RPS6KA2: variants seen among roughly 807,000 people sequenced by gnomAD.
RPS6KA2 encodes ribosomal protein S6 kinase A2.
Under a neutral mutation model 91.8 loss-of-function variants are expected in RPS6KA2, and 42 were observed. The ratio of observed to expected loss-of-function variants is 0.46; its 90% confidence interval spans 0.36 to 0.59. The LOEUF (loss-of-function observed/expected upper bound fraction) is 0.59, where lower values mean the gene tolerates loss of function less well. Ranked by LOEUF, RPS6KA2 falls within the 20% of genes least tolerant of loss-of-function variation. The probability of loss-of-function intolerance (pLI) is 0.00; values close to 1 mark genes in which losing one functional copy is unlikely to be tolerated. For missense variants in RPS6KA2, 798 were observed against 978.5 expected, an observed-to-expected ratio of 0.82 and a Z score of 2.46; for synonymous variants, 414 against 393.6, an observed-to-expected ratio of 1.05 and a Z score of -0.61.
intron 2 of RPS6KA2, among the ~76,000 whole-genome samples, chr6:166,682,831 G>T (rs538185699): frequency 1.3e-5 from 2 of 152,184 alleles, no homozygotes; most frequent in Admixed American, 6.5e-5. Flanking sequence ...GACAACCCAT[G>T]CATTTGACCA....
intron 3 of RPS6KA2, among the ~76,000 whole-genome samples, chr6:166,529,568 T>TA (rs1035720387): frequency 8.1e-5 from 12 of 148,840 alleles, no homozygotes; most frequent in South Asian, 2.2e-4. Context: ...CTTAAAGCAT[T>TA]AAAAAAAAAA....
At chr6:166,765,909 C>T (rs1358428368) in intron 2 of RPS6KA2, among the ~76,000 whole-genome samples, 1 of 152,206 alleles carries the variant, frequency 6.6e-6, no homozygotes, top group Non-Finnish European at 1.5e-5. Context: ...GTTGAGTATA[C>T]ACTCCCTTCA....
At chr6:166,832,036 T>TA (rs1780198759) in intron 2 of RPS6KA2, among the ~76,000 whole-genome samples, 1 of 147,938 alleles carries the variant, frequency 6.8e-6, no homozygotes, top group African/African-American at 2.5e-5. Context: ...AGATGATACA[T>TA]GATAGATAGA....
chr6:166,847,169 GA>G (rs201413326), intron 2 of RPS6KA2, among the ~76,000 whole-genome samples: 2,551 of 146,176 alleles, frequency 0.017, 79 homozygotes, highest in African/African-American at 0.06. Flanking sequence ...TACAAGAGCT[GA>G]AAAAAAAAAC....
At position 166,445,453 on chromosome 6, in the gene RPS6KA2, G is replaced by T. The variant is rs1438647658; in HGVS notation, c.1332+3271C>A. On this transcript the variant is annotated intron_variant, in intron 14 of 20. Coordinates refer to ENST00000265678, the MANE Select transcript of RPS6KA2 (RefSeq NM_021135.6). This position sits in a 1 kb window ranked among gnomAD's most constrained non-coding sequence, Gnocchi z 4.5. ...TTTCGTTGGGGCAGCAGGTTGTGGG[G>T]GCTGTCCTGTGCACACAGGATGCTA... Among the ~76,000 whole-genome samples the T allele has an allele frequency of 1.3e-5, 2 of 152,180 alleles. No homozygotes were observed. Among genetic ancestry groups the T allele is most frequent in the Non-Finnish European group, 2.9e-5 (2 of 68,026 alleles).
intron 3 of RPS6KA2, among the ~76,000 whole-genome samples, chr6:166,515,562 G>A (rs1782618171): frequency 6.6e-6 from 1 of 152,220 alleles, no homozygotes; most frequent in South Asian, 2.1e-4. Context: ...TCTCATATCA[G>A]CATCGGCGTG....
At chr6:166,763,116 A>T (rs1486044774) in intron 2 of RPS6KA2, among the ~76,000 whole-genome samples, 1 of 152,254 alleles carries the variant, frequency 6.6e-6, no homozygotes. Flanking sequence ...TAGCAGTAGT[A>T]TCAGGATCAC....
intron 2 of RPS6KA2, among the ~76,000 whole-genome samples, chr6:166,838,018 A>G (rs1780366318): frequency 6.6e-6 from 1 of 152,282 alleles, no homozygotes; most frequent in African/African-American, 2.4e-5. Flanking sequence ...CATAAACGCA[A>G]CGCAGGCTCT....
intron 17 of RPS6KA2, among the ~76,000 whole-genome samples, chr6:166,421,786 A>G (rs1778729597): frequency 6.6e-6 from 1 of 152,194 alleles, no homozygotes; most frequent in Admixed American, 6.5e-5. Flanking sequence ...TGGTCCAGCT[A>G]AGAACTTATG....
At chr6:166,521,196 T>C (rs1300570580) in intron 3 of RPS6KA2, among the ~76,000 whole-genome samples, 1 of 152,176 alleles carries the variant, frequency 6.6e-6, no homozygotes, top group African/African-American at 2.4e-5. Context: ...TGGCTGCCCT[T>C]ACCTAAATTT....
rs1289646973 is a variant in RPS6KA2 at position 166,852,118 on chromosome 6, A to C, written c.123+6082T>G. ...TTCCAGGAGGCATGATGCTTACCCT[A>C]CCCTTTTCTAGCATTTCTGCAAGGA... On this transcript the variant is annotated intron_variant, in intron 2 of 21. Coordinates refer to the RPS6KA2 transcript ENST00000503859. The surrounding 1 kb of genome is among the most constrained non-coding windows in gnomAD (Gnocchi z 4.1). Among the ~76,000 whole-genome samples, 1 of 152,108 alleles carries C rather than the reference A, an allele frequency of 6.6e-6. No individual in the cohort carries two copies. Among genetic ancestry groups the C allele is most frequent in the African/African-American group, 2.4e-5 (1 of 41,426 alleles).
At chr6:166,470,044 CA>C in intron 10 of RPS6KA2, 139 bp from the exon 11 acceptor site, 1 of 739,642 alleles carries the variant, frequency 1.4e-6, no homozygotes, top group Non-Finnish European at 2.3e-6. Flanking sequence ...CACTCCTGCC[CA>C]AGGCACCTGC....
chr6:166,655,615 T>C (rs1787979500), intron 2 of RPS6KA2, among the ~76,000 whole-genome samples: 1 of 152,128 alleles, frequency 6.6e-6, no homozygotes, highest in African/African-American at 2.4e-5. Flanking sequence ...TAGCTTCACA[T>C]AAGGTACCAA....
At position 166,612,228 on chromosome 6, in the gene RPS6KA2, T is replaced by G. The variant is rs574026980; in HGVS notation, c.99+14693A>C. On this transcript the variant is annotated intron_variant, in intron 1 of 20. Transcript: ENST00000265678. This position sits in a 1 kb window ranked among gnomAD's most constrained non-coding sequence, Gnocchi z 4.3. Reference sequence around the variant, plus strand: ...GGAAAAGCCTGGAAGAGACTCTCTGTGGGAAGCTCAGGGGAGTCAAGCCCC... The same window carrying G: ...GGAAAAGCCTGGAAGAGACTCTCTGGGGGAAGCTCAGGGGAGTCAAGCCCC... Among the ~76,000 whole-genome samples, 150 of 152,102 alleles carry G rather than the reference T, an allele frequency of 9.9e-4. No individual in the cohort carries two copies. The highest frequency in any genetic ancestry group is 3.4e-3 in the African/African-American group (142 of 41,474).
intron 12 of RPS6KA2, among the ~76,000 whole-genome samples, chr6:166,451,755 C>T (rs1356815725): frequency 6.6e-6 from 1 of 152,224 alleles, no homozygotes; most frequent in Non-Finnish European, 1.5e-5. Flanking sequence ...ATTTGGGCAA[C>T]GTTTCTCCTG....
chr6:166,614,271 G>A (rs1045559915), intron 1 of RPS6KA2, among the ~76,000 whole-genome samples: 3 of 152,228 alleles, frequency 2.0e-5, no homozygotes, highest in Non-Finnish European at 2.9e-5. Context: ...AGCTTCCTAC[G>A]CCTGTCGGAG....
In RPS6KA2 at chr6:166,635,542, C is replaced by A. The variant is rs1471383780; in HGVS notation, c.124-96758G>T. On this transcript the variant is annotated intron_variant, in intron 2 of 21. Transcript: ENST00000503859. The surrounding 1 kb of genome is among the most constrained non-coding windows in gnomAD (Gnocchi z 4.8). ...CCGTCAGGGAAGCTCAGGCTAAAGG[C>A]CAGTGAGAGCATGGTCCTGAGGAGG... Among the ~76,000 whole-genome samples, 1 of 152,178 alleles carries A rather than the reference C, an allele frequency of 6.6e-6. No individual in the cohort carries two copies. Among genetic ancestry groups the A allele is most frequent in the Non-Finnish European group, 1.5e-5 (1 of 68,020 alleles).
At position 166,523,138 on chromosome 6, in the gene RPS6KA2, A is replaced by G. The variant is rs144444812; in HGVS notation, c.298+8094T>C. On this transcript the variant is annotated intron_variant, in intron 3 of 20. Transcript: ENST00000265678. ...TGGTAATAAACACATAGAGGACTCC[A>G]CCATACAGAGGCGGGTGTATCTGTA... Among the ~76,000 whole-genome samples, 538 of 152,344 alleles carry G rather than the reference A, an allele frequency of 3.5e-3. 2 individuals are homozygous for G. Among genetic ancestry groups the G allele is most frequent in the African/African-American group, 0.01 (421 of 41,574 alleles).
chr6:166,631,691 C>T (rs1168317002), upstream of RPS6KA2, among the ~76,000 whole-genome samples: 1 of 152,204 alleles, frequency 6.6e-6, no homozygotes, highest in African/African-American at 2.4e-5. Context: ...GTCAGCGGAG[C>T]ACGGCTGGAG....
Sources: gnomAD v4.1 joint callset for allele counts (sites outside exome capture counted in the v4.1 genomes callset) on GRCh38, gnomAD v4.1.1 for gene constraint, Gnocchi (gnomAD v3.1) non-coding constraint, MANE v1.5 for transcripts, NCBI Gene and HGNC (gene_info 2026-07-23, HGNC 2026-07-21) for gene names.